Variants in CCSER1 observed in about 807,000 individuals in gnomAD.
The protein encoded by CCSER1 is serine-rich coiled-coil domain-containing protein 1.
A neutral mutation model predicts 82.0 loss-of-function variants in CCSER1; 41 were observed. The observed-to-expected ratio is 0.50, with a 90% CI of 0.39 to 0.65. The LOEUF is 0.65. Ranked by LOEUF, CCSER1 falls within the 30% of genes least tolerant of loss-of-function variation. The pLI is 0.00. For missense variants in CCSER1, 1,119 were observed against 1,064.2 expected (o/e 1.05, Z -0.72); for synonymous variants, 414 against 383.9 (o/e 1.08, Z -0.92).
intron 1 of CCSER1, among the ~76,000 whole-genome samples, chr4:90,208,929 G>T (rs1339741056): frequency 6.6e-6 from 1 of 152,174 alleles, no homozygotes; most frequent in African/African-American, 2.4e-5. Context: ...GGGAGCTGCA[G>T]ACCGGAGCCG....
intron 1 of CCSER1, among the ~76,000 whole-genome samples, chr4:90,279,756 G>T (rs1265432165): frequency 6.6e-6 from 1 of 151,980 alleles, no homozygotes; most frequent in Non-Finnish European, 1.5e-5. Flanking sequence ...TAATCCGTAT[G>T]CTGTTATAGG....
chr4:91,566,725 AG>A (rs1762899532), intron 10 of CCSER1, among the ~76,000 whole-genome samples: 1 of 151,980 alleles, frequency 6.6e-6, no homozygotes, highest in South Asian at 2.1e-4. Flanking sequence ...CTGTGGGGTC[AG>A]TTGTAACATT....
rs184972707 is a variant in CCSER1, at chr4:91,536,108, T to C, written c.2218-62464T>C. On this transcript the variant is annotated intron_variant, in intron 10 of 10. Coordinates refer to ENST00000509176, the MANE Select transcript of CCSER1 (RefSeq NM_001145065.2). The stretch of plus-strand genomic sequence containing the variant: ...TTCAACATAAAACGTTTGTGAAATT[T>C]AAGTTATCAACTAGCAGAGGATGTT... Among the ~76,000 whole-genome samples, 4 of 152,250 alleles carry C rather than the reference T, an allele frequency of 2.6e-5. No homozygotes were observed. In the East Asian group the frequency reaches 7.7e-4, roughly 29 times the overall value.
chr4:90,200,338 C>A (rs1223056242), intron 1 of CCSER1, among the ~76,000 whole-genome samples: 2 of 152,092 alleles, frequency 1.3e-5, no homozygotes, highest in African/African-American at 4.8e-5. Flanking sequence ...TGGCTTACTA[C>A]ATTATTTTTC....
At chr4:90,421,838 T>C (rs11937050) in intron 4 of CCSER1, among the ~76,000 whole-genome samples, 2,888 of 152,146 alleles carry the variant, frequency 0.019, 43 homozygotes, top group African/African-American at 0.04. Context: ...GAAAAATTGG[T>C]GGGTCTTTGG....
intron 7 of CCSER1, among the ~76,000 whole-genome samples, chr4:90,813,001 A>G (rs918219548): frequency 2.6e-5 from 4 of 152,032 alleles, no homozygotes; most frequent in Admixed American, 6.5e-5. Context: ...CCCCTCCCAA[A>G]TCTCACATTC....
intron 5 of CCSER1, among the ~76,000 whole-genome samples, chr4:90,510,516 G>A (rs1771346303): frequency 6.6e-6 from 1 of 152,170 alleles, no homozygotes; most frequent in African/African-American, 2.4e-5. Context: ...ACAAAGAAAT[G>A]AGAAGTTATA....
At chr4:90,329,390 T>C (rs77740689) in intron 3 of CCSER1, among the ~76,000 whole-genome samples, 1,884 of 152,298 alleles carry the variant, frequency 0.012, 53 homozygotes, top group African/African-American at 0.043. Flanking sequence ...AATATGACAG[T>C]TGTTTTATCA....
In CCSER1 at chr4:91,229,167, G is replaced by A. The variant is rs548288105; in HGVS notation, c.2217+143173G>A. On this transcript the variant is annotated intron_variant, in intron 10 of 10. Coordinates refer to ENST00000509176, the MANE Select transcript of CCSER1 (RefSeq NM_001145065.2). ...AGGTAAAGGTTAAAAGAACACATTCGCACACAAAACCTTGTGTTTTACAGG... is the reference window on the plus strand; with the variant it reads ...AGGTAAAGGTTAAAAGAACACATTCACACACAAAACCTTGTGTTTTACAGG... 2.4e-4 allele frequency among the ~76,000 whole-genome samples: 37 copies of A among 151,722 alleles called. No homozygotes were observed. The South Asian group carries it at 3.5e-3, about 14-fold the overall frequency.
chr4:90,438,819 C>G (rs1759433188), intron 4 of CCSER1, among the ~76,000 whole-genome samples: 1 of 149,926 alleles, frequency 6.7e-6, no homozygotes, highest in South Asian at 2.1e-4. Context: ...TACTTTCTGT[C>G]AGAGAACTTG....
At chr4:90,212,093 A>G (rs1373927921) in intron 1 of CCSER1, among the ~76,000 whole-genome samples, 1 of 152,180 alleles carries the variant, frequency 6.6e-6, no homozygotes, top group Non-Finnish European at 1.5e-5. Flanking sequence ...TTTCTTCGGG[A>G]GATTCTTTGT....
At chr4:91,359,986 A>C (rs1348144670) in intron 10 of CCSER1, among the ~76,000 whole-genome samples, 1 of 151,876 alleles carries the variant, frequency 6.6e-6, no homozygotes, top group East Asian at 1.9e-4. Context: ...TATCCCTGCA[A>C]GGTTAGGTTT....
chr4:90,271,862 ATTTTTTTTTTTT>A (rs1176154331), intron 1 of CCSER1, among the ~76,000 whole-genome samples: 65 of 21,678 alleles, frequency 3.0e-3, no homozygotes, highest in African/African-American at 0.014. Flanking sequence ...ATATATATAT[ATTTTTTTTTTTT>A]TTTTTTTTTT....
intron 7 of CCSER1, among the ~76,000 whole-genome samples, chr4:90,770,255 A>C: frequency 6.6e-6 from 1 of 152,170 alleles, no homozygotes; most frequent in South Asian, 2.1e-4. Flanking sequence ...CCATACCCAA[A>C]TTCCTGACTC....
At chr4:90,794,206 CT>C (rs1178943553) in intron 7 of CCSER1, among the ~76,000 whole-genome samples, 3 of 152,120 alleles carry the variant, frequency 2.0e-5, no homozygotes, top group Non-Finnish European at 4.4e-5. Context: ...GTTGTAATTG[CT>C]TTTGGTGTTT....
chr4:91,571,009 G>A (rs140923003), intron 10 of CCSER1, among the ~76,000 whole-genome samples: 1,876 of 152,092 alleles, frequency 0.012, 26 homozygotes, highest in African/African-American at 0.041. Flanking sequence ...AGATCTCTAG[G>A]GCAGGGGCAA....
chr4:90,988,582 T>C (rs910595722), intron 9 of CCSER1, among the ~76,000 whole-genome samples: 2 of 151,712 alleles, frequency 1.3e-5, no homozygotes, highest in African/African-American at 4.8e-5. Context: ...AACAAAGTGA[T>C]GTTTCTAAAA....
intron 1 of CCSER1, among the ~76,000 whole-genome samples, chr4:90,168,733 A>G (rs531051353): frequency 2.7e-5 from 4 of 150,208 alleles, no homozygotes; most frequent in Admixed American, 2.0e-4. Flanking sequence ...TAAATAGGGA[A>G]TCCTTTCCCC....
chr4:91,405,874 A>C lies in CCSER1; in HGVS notation c.2218-192698A>C, dbSNP rs1275339075. On this transcript the variant is annotated intron_variant, in intron 10 of 10. Transcript: ENST00000509176. Reference sequence around the variant, plus strand: ...CTTTGGCTTAATCTCCTTAGGTTGCACCCACTGTCCAACAAGCCCCAGTGA... The same window carrying C: ...CTTTGGCTTAATCTCCTTAGGTTGCCCCCACTGTCCAACAAGCCCCAGTGA... Among the ~76,000 whole-genome samples the C allele has an allele frequency of 3.3e-5, 5 of 152,106 alleles. No individual in the cohort carries two copies. The East Asian group carries it at 9.7e-4, about 29-fold the overall frequency.
Sources: allele counts gnomAD v4.1 joint callset (sites outside exome capture counted in the v4.1 genomes callset), GRCh38; gene constraint gnomAD v4.1.1; transcripts MANE v1.5; gene names NCBI Gene and HGNC (gene_info 2026-07-23, HGNC 2026-07-21).